INKA2: variants seen among roughly 807,000 people sequenced by gnomAD.
INKA2 encodes the protein PAK4-inhibitor INKA2.
Under a neutral mutation model 9.8 loss-of-function variants are expected in INKA2, and 3 were observed. The observed-to-expected ratio is 0.31, with a 90% CI of 0.14 to 0.79. The LOEUF (loss-of-function observed/expected upper bound fraction) is 0.79. Ranked by LOEUF, INKA2 falls within the 30% of genes least tolerant of loss-of-function variation. The probability of loss-of-function intolerance (pLI) is 0.62; values close to 1 mark genes in which losing one functional copy is unlikely to be tolerated. For synonymous variants in INKA2, 147 were observed against 143.3 expected (o/e 1.03, Z -0.18); for missense variants, 392 against 384.4 (o/e 1.02, Z -0.17).
At chr1:111,733,773 C>G (rs186525352) in intron 1 of INKA2, among the ~76,000 whole-genome samples, 1 of 152,154 alleles carries the variant, frequency 6.6e-6, no homozygotes, top group Non-Finnish European at 1.5e-5. Context: ...GAAAATGTGA[C>G]GCCAGCATCC....
At chr1:111,745,268 TATATATATA>T (rs1557915340) in intron 1 of INKA2, 4 of 36,680 alleles carry the variant, frequency 1.1e-4, no homozygotes, top group African/African-American at 3.8e-4. Flanking sequence ...AGAGATATTA[TATATATATA>T]TATATATATA....
intron 1 of INKA2, chr1:111,755,271 G>A (rs1663513559): frequency 1.1e-5 from 2 of 177,086 alleles, no homozygotes; most frequent in Non-Finnish European, 1.2e-5. Flanking sequence ...CCAGTTCCAG[G>A]TTCCAATTCA....
chr1:111,739,545 G>T, upstream of INKA2: 1 of 737,680 alleles, frequency 1.4e-6, no homozygotes, highest in Non-Finnish European at 2.0e-6. Flanking sequence ...CTACCGCAGT[G>T]TTTGCACAGG....
chr1:111,732,939 T>C (rs1662941274), intron 1 of INKA2, among the ~76,000 whole-genome samples: 1 of 152,202 alleles, frequency 6.6e-6, no homozygotes, highest in Non-Finnish European at 1.5e-5. Flanking sequence ...CCACTTTTTG[T>C]GCCCGGGGTT....
chr1:111,722,843 C>G lies in INKA2; in HGVS notation c.*4125G>C. ...TTTCTTAAGCACTTTTGCCTTGGGTCACATGGTTAGTGCCTCTACTAAGGG... is the reference window on the plus strand; with the variant it reads ...TTTCTTAAGCACTTTTGCCTTGGGTGACATGGTTAGTGCCTCTACTAAGGG... On this transcript the variant is annotated 3_prime_UTR_variant, in exon 2 of 2. Coordinates refer to ENST00000357260, the MANE Select transcript of INKA2 (RefSeq NM_019099.5). The G allele has an allele frequency of 2.1e-6, 1 of 478,942 alleles. No individual in the cohort carries two copies. The highest frequency in any genetic ancestry group is 3.7e-6 in the Non-Finnish European group (1 of 270,588). The allele number at this position is 478,942 out of a possible 1,614,324, so 29.7% of individuals were successfully genotyped here.
intron 1 of INKA2, among the ~76,000 whole-genome samples, chr1:111,730,226 C>A (rs1279096346): frequency 6.6e-6 from 1 of 152,218 alleles, no homozygotes; most frequent in Non-Finnish European, 1.5e-5. Context: ...AGCCCCAGAC[C>A]AAACTCAGTG....
chr1:111,731,773 G>A (rs1415879937), intron 1 of INKA2, among the ~76,000 whole-genome samples: 1 of 152,244 alleles, frequency 6.6e-6, no homozygotes, highest in African/African-American at 2.4e-5. Context: ...AATTCTGGCT[G>A]TTAGTTTAAG....
chr1:111,740,668 G>A (rs1663125048), upstream of INKA2, among the ~76,000 whole-genome samples: 1 of 152,208 alleles, frequency 6.6e-6, no homozygotes, highest in Non-Finnish European at 1.5e-5. Flanking sequence ...GCAGCCAAAA[G>A]TGCCAGATAT....
chr1:111,749,915 T>C (rs1436976332), intron 1 of INKA2, among the ~76,000 whole-genome samples: 1 of 147,544 alleles, frequency 6.8e-6, no homozygotes, highest in Non-Finnish European at 1.5e-5. Flanking sequence ...ATCAATTAAA[T>C]TCCACATTCC....
upstream of INKA2, chr1:111,739,430 T>TG: frequency 7.0e-7 from 1 of 1,437,618 alleles, no homozygotes; most frequent in Non-Finnish European, 9.2e-7. Context: ...CGGTCGGTGC[T>TG]GGGGGTGGAG....
chr1:111,732,902 C>T (rs559724984), intron 1 of INKA2, among the ~76,000 whole-genome samples: 105 of 152,300 alleles, frequency 6.9e-4, no homozygotes, highest in African/African-American at 2.4e-3. Context: ...CTGACTTACT[C>T]GGCCACATGA....
rs751641637 is a variant in INKA2, at chr1:111,727,505, C to T, written c.357G>A (p.Leu119=). 4 of 1,614,196 alleles carry T rather than the reference C, an allele frequency of 2.5e-6. No homozygotes were observed. The highest frequency in any genetic ancestry group is 1.1e-5 in the South Asian group (1 of 91,088). The change falls in exon 2 of 2, where the codon TTG becomes TTA. Residue 119 remains leucine, a synonymous_variant. Coordinates refer to ENST00000357260, the MANE Select transcript of INKA2 (RefSeq NM_019099.5). ...RSVCGRDLAP[L]PRTQPHQSCA... ...AGCTTTGATGTGGCTGTGTCCTGGG[C>T]AAGGGGGCTAAATCCCTTCCACAGA...
chr1:111,736,219 T>C (rs199821528), intron 1 of INKA2, among the ~76,000 whole-genome samples: 5 of 152,180 alleles, frequency 3.3e-5, no homozygotes, highest in African/African-American at 9.7e-5. Context: ...CTGCTACTTC[T>C]CCTGCCACAT....
intron 1 of INKA2, among the ~76,000 whole-genome samples, chr1:111,730,119 C>T (rs369176306): frequency 3.3e-5 from 5 of 152,210 alleles, no homozygotes; most frequent in Admixed American, 1.3e-4. Context: ...GACAGCCCCT[C>T]TCTCTGGCCT....
chr1:111,733,429 C>T (rs1227369859), intron 1 of INKA2, among the ~76,000 whole-genome samples: 2 of 152,206 alleles, frequency 1.3e-5, no homozygotes, highest in East Asian at 3.8e-4. Flanking sequence ...GTCATCATAA[C>T]CCCTGACCTC....
chr1:111,748,124 G>C (rs185869614), intron 1 of INKA2, among the ~76,000 whole-genome samples: 2 of 152,236 alleles, frequency 1.3e-5, no homozygotes, highest in Admixed American at 6.5e-5. Context: ...TGAGCCATGT[G>C]CTTGCAGGTG....
intron 1 of INKA2, chr1:111,755,390 A>C (rs958546182): frequency 2.2e-6 from 1 of 452,148 alleles, no homozygotes; most frequent in Non-Finnish European, 3.9e-6. Context: ...ACACCAGCCA[A>C]TGTGGTAAAT....
At position 111,755,789 on chromosome 1, in the gene INKA2, C is replaced by T. The variant is rs1663529579; in HGVS notation, n.36G>A. 2.5e-6 allele frequency: 4 copies of T among 1,610,354 alleles called. No homozygotes were observed. The East Asian group carries it at 8.9e-5, about 36-fold the overall frequency. Reference sequence around the variant, plus strand: ...CTGGGCAGTCTCTCAGCCTCCGACTCCCGTCCCTTTCTTCCACTTCCAGGC... The same window carrying T: ...CTGGGCAGTCTCTCAGCCTCCGACTTCCGTCCCTTTCTTCCACTTCCAGGC... On this transcript the variant is annotated non_coding_transcript_exon_variant, in exon 1 of 2. Transcript: ENST00000444059.
intron 1 of INKA2, chr1:111,755,131 C>CGGAGGCGGAGGCAT (rs1663503591): frequency 6.3e-6 from 1 of 157,646 alleles, no homozygotes; most frequent in African/African-American, 2.4e-5. Context: ...GGAGGTGCTG[C>CGGAGGCGGAGGCAT]GGAGGCGGAT....
Sources: gnomAD v4.1 joint callset for allele counts (sites outside exome capture counted in the v4.1 genomes callset) on GRCh38, gnomAD v4.1.1 for gene constraint, MANE v1.5 for transcripts, NCBI Gene and HGNC (gene_info 2026-07-23, HGNC 2026-07-21) for gene names.